The following GAB3 variants were observed in gnomAD, a reference collection of about 807,000 sequenced individuals.
The protein encoded by GAB3 is GRB2-associated-binding protein 3.
In GAB3, 12 loss-of-function variants were observed where a neutral mutation model predicts 40.4. The observed-to-expected ratio is 0.30, with a 90% confidence interval of 0.19 to 0.48. The LOEUF (loss-of-function observed/expected upper bound fraction) is 0.48, where lower values mean the gene tolerates loss of function less well. Among genes scored for constraint, GAB3 ranks in the 20% least tolerant of loss-of-function variants. GAB3 has a pLI of 0.99. For missense variants in GAB3, 381 were observed against 461.9 expected (o/e 0.82, Z 1.61); for synonymous variants, 154 against 176.7 (o/e 0.87, Z 1.02).
intron 1 of GAB3, among the ~76,000 whole-genome samples, chrX:154,718,151 A>C (rs1261529995): frequency 1.8e-5 from 2 of 110,771 alleles, no homozygotes; most frequent in Non-Finnish European, 3.8e-5. Flanking sequence ...GAGGCCAGGG[A>C]AAAAGGAAAA....
chrX:154,692,141 C>G (rs1161878738), intron 8 of GAB3, among the ~76,000 whole-genome samples: 1 of 110,837 alleles, frequency 9.0e-6, no homozygotes, highest in African/African-American at 3.3e-5. Context: ...AAAAGCAAGG[C>G]AATAAAAGGA....
chrX:154,739,544 G>T (rs781863567), intron 1 of GAB3, among the ~76,000 whole-genome samples: 2 of 111,968 alleles, frequency 1.8e-5, no homozygotes, highest in South Asian at 7.3e-4. Flanking sequence ...ACAGACTAAT[G>T]TACAGAACAT....
At chrX:154,726,813 C>T (rs1557259414) in intron 1 of GAB3, among the ~76,000 whole-genome samples, 1 of 111,428 alleles carries the variant, frequency 9.0e-6, no homozygotes, top group African/African-American at 3.3e-5. Flanking sequence ...TTTGCTTCCA[C>T]TCTCCATATC....
chrX:154,732,576 G>C (rs2071306805), intron 1 of GAB3, among the ~76,000 whole-genome samples: 1 of 111,863 alleles, frequency 8.9e-6, no homozygotes, highest in South Asian at 3.7e-4. Flanking sequence ...CTGGCAGCTG[G>C]GAAGGCTTTC....
At chrX:154,729,582 C>T (rs2071263738) in intron 1 of GAB3, among the ~76,000 whole-genome samples, 1 of 111,726 alleles carries the variant, frequency 9.0e-6, no homozygotes, top group East Asian at 2.8e-4. Context: ...GCATGTGGGC[C>T]ACCAGGGAGA....
chrX:154,705,829 TA>T (rs1489828765), intron 4 of GAB3, among the ~76,000 whole-genome samples: 6 of 112,031 alleles, frequency 5.4e-5, no homozygotes, highest in Middle Eastern at 4.6e-3. Context: ...TAATATTAAA[TA>T]CAGGAAAATT....
rs1557256831 is a variant in GAB3, at chrX:154,713,364, G to A, written c.439C>T (p.Leu147Phe). ...SSLQPSSASS[L>F]LTAHAASSSL... ...GAGCTGGCAGCATGGGCGGTAAGAA[G>A]GGAGCTGGCAGAGGATGGCTGCAGG... Residue 147 changes from leucine to phenylalanine, a missense_variant, in exon 3 of 10, where the codon CTT (leucine) becomes TTT (phenylalanine). Physicochemically the swap from Leu to Phe is conservative, Grantham distance 22. Around this residue, in one of 2 missense-constraint regions of GAB3, gnomAD observed 364 missense variants for 421.0 expected, o/e 0.86. Coordinates refer to ENST00000424127, the MANE Select transcript of GAB3 (RefSeq NM_001081573.3). The A allele has an allele frequency of 3.3e-6, 4 of 1,210,508 alleles. No individual in the cohort carries two copies. The highest frequency in any genetic ancestry group is 4.5e-6 in the Non-Finnish European group (4 of 895,261).
intron 8 of GAB3, among the ~76,000 whole-genome samples, chrX:154,687,428 A>G (rs1026938924): frequency 9.1e-6 from 1 of 109,672 alleles, no homozygotes; most frequent in South Asian, 3.9e-4. Flanking sequence ...TCAGGAGATC[A>G]AGACCATCCT....
At chrX:154,729,401 G>A (rs925382316) in intron 1 of GAB3, among the ~76,000 whole-genome samples, 1 of 111,784 alleles carries the variant, frequency 8.9e-6, no homozygotes, top group African/African-American at 3.3e-5. Flanking sequence ...CCCAGGCCCT[G>A]CTCCTATGAT....
At chrX:154,724,203 C>T (rs1203596400) in intron 1 of GAB3, among the ~76,000 whole-genome samples, 1 of 109,936 alleles carries the variant, frequency 9.1e-6, no homozygotes. Context: ...AAAAATTAGC[C>T]AGGTGTGATG....
At chrX:154,715,452 G>C (rs1463002742) in intron 2 of GAB3, among the ~76,000 whole-genome samples, 6 of 109,099 alleles carry the variant, frequency 5.5e-5, no homozygotes, top group African/African-American at 2.0e-4. Context: ...GAGAGAGAGA[G>C]AGACTCTGGG....
intron 5 of GAB3, among the ~76,000 whole-genome samples, 170 bp downstream of exon 5, chrX:154,699,834 T>C (rs1194260430): frequency 8.9e-6 from 1 of 112,082 alleles, no homozygotes. Context: ...ATAAGGCCCT[T>C]ATAGAACACC....
intron 1 of GAB3, among the ~76,000 whole-genome samples, chrX:154,747,935 T>C (rs1215498203): frequency 8.9e-6 from 1 of 112,336 alleles, no homozygotes; most frequent in Non-Finnish European, 1.9e-5. Flanking sequence ...AGAACCTATA[T>C]CCAGAGAACC....
At chrX:154,737,037 C>T (rs1167704485) in intron 1 of GAB3, among the ~76,000 whole-genome samples, 1 of 111,878 alleles carries the variant, frequency 8.9e-6, no homozygotes, top group Non-Finnish European at 1.9e-5. Context: ...CTTTTAACTA[C>T]CATCTCATCT....
At position 154,678,938 on chromosome X, in the gene GAB3, TAC is replaced by T. The variant is rs1364603773; in HGVS notation, c.1648-646_1648-645del. ...TCATAGCAGTGTGAGAATGGACTAA[TAC>T]AGAGGCCAAGGCAGGAGGATCACTT... On this transcript the variant is annotated intron_variant, in intron 9 of 9. Transcript: ENST00000424127. The T allele has an allele frequency of 1.1e-4, 26 of 232,436 alleles. No homozygotes were observed. The Admixed American group carries it at 1.4e-3, about 12-fold the overall frequency. The allele number at this position is 232,436 out of a possible 1,213,427, so 19.2% of individuals were successfully genotyped here. A position where few individuals can be genotyped will look rare whatever the true frequency, so the allele number is the denominator to read the frequency against.
At chrX:154,692,273 G>C (rs1172850486) in intron 8 of GAB3, among the ~76,000 whole-genome samples, 1 of 111,493 alleles carries the variant, frequency 9.0e-6, no homozygotes, top group Non-Finnish European at 1.9e-5. Context: ...CTGATAAGGG[G>C]TTAACATCCA....
At chrX:154,730,710 C>G in intron 1 of GAB3, among the ~76,000 whole-genome samples, 1 of 112,138 alleles carries the variant, frequency 8.9e-6, no homozygotes, top group Non-Finnish European at 1.9e-5. Context: ...CCAAGGGGGG[C>G]CACAAAGGTT....
chrX:154,749,795 G>A (rs2071584438), intron 1 of GAB3, among the ~76,000 whole-genome samples: 1 of 112,461 alleles, frequency 8.9e-6, no homozygotes, highest in South Asian at 3.6e-4. Flanking sequence ...GCAACTCTAT[G>A]TTCAGGAAAA....
intron 1 of GAB3, among the ~76,000 whole-genome samples, chrX:154,728,461 C>T (rs903864629): frequency 3.6e-5 from 4 of 112,093 alleles, no homozygotes; most frequent in Non-Finnish European, 5.6e-5. Context: ...TCTCCTTCTG[C>T]GCTGCTTTTT....
Sources: gnomAD v4.1 joint callset for allele counts (sites outside exome capture counted in the v4.1 genomes callset) on GRCh38, gnomAD v4.1.1 for gene constraint, gnomAD v4.1.1 regional missense constraint, MANE v1.5 for transcripts, NCBI Gene and HGNC (gene_info 2026-07-23, HGNC 2026-07-21) for gene names.